Variants in ROR1 observed in about 807,000 individuals in gnomAD.
The protein encoded by ROR1 is inactive tyrosine-protein kinase transmembrane receptor ROR1.
A neutral mutation model predicts 78.8 loss-of-function variants in ROR1; 19 were observed. The ratio of observed to expected loss-of-function variants is 0.24; its 90% CI spans 0.17 to 0.35. The LOEUF (loss-of-function observed/expected upper bound fraction) is 0.35. Ranked by LOEUF, ROR1 falls within the 10% of genes least tolerant of loss-of-function variation. The pLI is 1.00. For missense variants in ROR1, 917 were observed against 1,177.8 expected (o/e 0.78, Z 3.24); for synonymous variants, 386 against 433.6 (o/e 0.89, Z 1.36).
At chr1:63,979,167 A>G (rs944188112) in intron 1 of ROR1, among the ~76,000 whole-genome samples, 16 of 152,168 alleles carry the variant, frequency 1.1e-4, no homozygotes, top group African/African-American at 3.9e-4. Flanking sequence ...ATGTTTGACC[A>G]CATATCTGGG....
At chr1:64,064,934 T>G (rs2100609978) in intron 4 of ROR1, among the ~76,000 whole-genome samples, 1 of 152,350 alleles carries the variant, frequency 6.6e-6, no homozygotes. Flanking sequence ...CTAGATACCC[T>G]GGTATTTTTG....
intron 1 of ROR1, among the ~76,000 whole-genome samples, chr1:63,993,542 T>C (rs1422440345): frequency 1.3e-5 from 2 of 152,236 alleles, no homozygotes; most frequent in African/African-American, 4.8e-5. Flanking sequence ...ATGCATATTA[T>C]ACATTCCATA....
At chr1:64,123,814 A>G (rs1047277730) in intron 4 of ROR1, among the ~76,000 whole-genome samples, 1 of 152,188 alleles carries the variant, frequency 6.6e-6, no homozygotes, top group Non-Finnish European at 1.5e-5. Flanking sequence ...AAAGATATTT[A>G]TAAATTCATG....
intron 1 of ROR1, among the ~76,000 whole-genome samples, chr1:64,006,819 A>G (rs1251910276): frequency 6.6e-6 from 1 of 152,166 alleles, no homozygotes; most frequent in Non-Finnish European, 1.5e-5. Context: ...GGAGGTCTGC[A>G]CAAACCAAAC....
At chr1:63,863,825 C>T (rs778951534) in intron 1 of ROR1, among the ~76,000 whole-genome samples, 16 of 149,074 alleles carry the variant, frequency 1.1e-4, no homozygotes, top group Non-Finnish European at 2.1e-4. Flanking sequence ...GATACTTGTT[C>T]AGTTAACCAA....
intron 4 of ROR1, among the ~76,000 whole-genome samples, chr1:64,073,101 G>T (rs1469144418): frequency 6.6e-6 from 1 of 152,050 alleles, no homozygotes; most frequent in Non-Finnish European, 1.5e-5. Flanking sequence ...GAAATTCCAG[G>T]CTTCATCTCC....
At chr1:64,082,506 G>T (rs1218635711) in intron 4 of ROR1, among the ~76,000 whole-genome samples, 1 of 152,122 alleles carries the variant, frequency 6.6e-6, no homozygotes, top group East Asian at 1.9e-4. Flanking sequence ...GTATGAGTTG[G>T]GTTTGAGATC....
At chr1:63,974,351 AAAAAT>A (rs1171370833) in intron 1 of ROR1, among the ~76,000 whole-genome samples, 4 of 152,232 alleles carry the variant, frequency 2.6e-5, no homozygotes, top group Admixed American at 6.5e-5. Flanking sequence ...ATATGAGAAA[AAAAAT>A]AAAAGAACAC....
chr1:64,100,409 A>G (rs1041148325), intron 4 of ROR1, among the ~76,000 whole-genome samples: 3 of 151,924 alleles, frequency 2.0e-5, no homozygotes, highest in Non-Finnish European at 4.4e-5. Flanking sequence ...GATCGCTTGA[A>G]CCCAGGAGGT....
intron 2 of ROR1, among the ~76,000 whole-genome samples, chr1:64,010,026 CATTTCCAGCCAA>C (rs1646463508): frequency 6.6e-6 from 1 of 152,176 alleles, no homozygotes; most frequent in Admixed American, 6.5e-5. Flanking sequence ...CCCCTTTATG[CATTTCCAGCCAA>C]ATTTCGATTT....
rs547943385 is a variant in ROR1, at chr1:63,825,903, G to A, written c.91+51395G>A. 1.6e-4 allele frequency among the ~76,000 whole-genome samples: 25 copies of A among 152,232 alleles called. 1 individual carries two copies. Among genetic ancestry groups the A allele is most frequent in the African/African-American group, 2.4e-4 (10 of 41,542 alleles). On this transcript the variant is annotated intron_variant, in intron 1 of 8. Coordinates refer to ENST00000371079, the MANE Select transcript of ROR1 (RefSeq NM_005012.4). ...CAATCCAGTTGTCAAGAAACCTAGC[G>A]TGGTCTCAATCCTGCCTCCAGCTGG...
chr1:64,016,991 C>T (rs1312298720), intron 2 of ROR1, among the ~76,000 whole-genome samples: 1 of 151,778 alleles, frequency 6.6e-6, no homozygotes, highest in South Asian at 2.1e-4. Flanking sequence ...GATCATGGCT[C>T]GTTGCAGCCT....
chr1:64,087,793 C>A (rs1647165887), intron 4 of ROR1, among the ~76,000 whole-genome samples: 1 of 152,166 alleles, frequency 6.6e-6, no homozygotes, highest in South Asian at 2.1e-4. Context: ...CCTTTTGGAA[C>A]TTTCATCAGT....
At chr1:64,139,056 A>C (rs1166873691) in intron 5 of ROR1, among the ~76,000 whole-genome samples, 1 of 148,928 alleles carries the variant, frequency 6.7e-6, no homozygotes, top group South Asian at 2.2e-4. Flanking sequence ...AGTCCCAGCT[A>C]TGTGGGAGGC....
At chr1:63,918,737 G>T (rs1267903881) in intron 1 of ROR1, among the ~76,000 whole-genome samples, 1 of 152,146 alleles carries the variant, frequency 6.6e-6, no homozygotes, top group Admixed American at 6.6e-5. Context: ...GGGAGTTTGT[G>T]TAAATAGAGA....
At chr1:63,829,414 C>G (rs1006766335) in intron 1 of ROR1, among the ~76,000 whole-genome samples, 1 of 152,178 alleles carries the variant, frequency 6.6e-6, no homozygotes, top group African/African-American at 2.4e-5. Flanking sequence ...GAATGTGCAG[C>G]GTGCTATGGG....
chr1:64,097,308 A>G (rs1470235817), intron 4 of ROR1, among the ~76,000 whole-genome samples: 1 of 152,028 alleles, frequency 6.6e-6, no homozygotes, highest in East Asian at 1.9e-4. Flanking sequence ...TAACATTCTG[A>G]CTTTCTGCCT....
At chr1:63,898,557 GGAAA>G (rs750863393) in intron 1 of ROR1, among the ~76,000 whole-genome samples, 7 of 149,124 alleles carry the variant, frequency 4.7e-5, no homozygotes, top group Admixed American at 6.7e-5. Flanking sequence ...AAAGGAGGAG[GGAAA>G]GAAAGAAGGA....
chr1:63,870,904 G>T (rs928846042), intron 1 of ROR1, among the ~76,000 whole-genome samples: 3 of 152,228 alleles, frequency 2.0e-5, no homozygotes, highest in African/African-American at 7.2e-5. Flanking sequence ...GTGGCTTGAA[G>T]TCACAGAGCA....
Sources: allele counts gnomAD v4.1 joint callset (sites outside exome capture counted in the v4.1 genomes callset), GRCh38; gene constraint gnomAD v4.1.1; transcripts MANE v1.5; gene names NCBI Gene and HGNC (gene_info 2026-07-23, HGNC 2026-07-21).